IKZF2: variants seen among roughly 807,000 people sequenced by gnomAD.
IKZF2 encodes zinc finger protein Helios.
Under a neutral mutation model 49.2 loss-of-function variants are expected in IKZF2, and 15 were observed. The observed-to-expected ratio is 0.30, with a 90% CI of 0.20 to 0.47. IKZF2 has a LOEUF of 0.47. Among genes scored for constraint, IKZF2 ranks in the 20% least tolerant of loss-of-function variants. The pLI, the probability that IKZF2 is intolerant of heterozygous loss-of-function variation, is 1.00. For synonymous variants in IKZF2, 227 were observed against 221.4 expected (o/e 1.03, Z -0.23); for missense variants, 567 against 664.6 (o/e 0.85, Z 1.61).
chr2:213,145,616 C>T (rs748604428), intron 4 of IKZF2, among the ~76,000 whole-genome samples: 31 of 151,978 alleles, frequency 2.0e-4, no homozygotes, highest in Admixed American at 4.6e-4. Context: ...ATCTAAAATG[C>T]TGATATTCTC....
chr2:213,053,813 C>A (rs545778033), intron 5 of IKZF2, among the ~76,000 whole-genome samples: 1 of 152,204 alleles, frequency 6.6e-6, no homozygotes, highest in Admixed American at 6.5e-5. Flanking sequence ...AGTAGCAATA[C>A]CAAATCAATA....
intron 4 of IKZF2, among the ~76,000 whole-genome samples, chr2:213,060,819 T>A (rs1456128193): frequency 2.0e-5 from 3 of 151,486 alleles, no homozygotes; most frequent in Non-Finnish European, 4.4e-5. Context: ...TATTTATAAC[T>A]GTTACATCCA....
intron 4 of IKZF2, among the ~76,000 whole-genome samples, chr2:213,137,542 G>A (rs900528595): frequency 3.3e-5 from 5 of 151,856 alleles, no homozygotes; most frequent in Admixed American, 6.6e-5. Flanking sequence ...TTACAATCAC[G>A]AATTAAATAT....
At chr2:213,150,105 G>A (rs955568022) in intron 2 of IKZF2, 39 bp downstream of exon 2, 5 of 1,188,058 alleles carry the variant, frequency 4.2e-6, no homozygotes, top group Non-Finnish European at 5.7e-6. Context: ...AGGAAAGAAG[G>A]AAAAAGAAAA....
chr2:213,000,341 G>T lies in IKZF2; in HGVS notation c.*7019C>A, dbSNP rs1694780531. Reference sequence around the variant, plus strand: ...GAAAAAAAATGAGGTTTACTGGTTTGACCTATTTTTTTTTCTTTTTTTGCT... The same window carrying T: ...GAAAAAAAATGAGGTTTACTGGTTTTACCTATTTTTTTTTCTTTTTTTGCT... On this transcript the variant is annotated 3_prime_UTR_variant, in exon 9 of 9. Transcript: ENST00000434687. 6.8e-6 allele frequency: 1 copy of T among 147,304 alleles called. No individual in the cohort carries two copies. The highest frequency in any genetic ancestry group is 2.1e-4 in the South Asian group (1 of 4,700). 9.1% of individuals were successfully genotyped at this position (147,304 alleles called of 1,614,324 possible). A position where few individuals can be genotyped will look rare whatever the true frequency, so the allele number is the denominator to read the frequency against.
intron 4 of IKZF2, among the ~76,000 whole-genome samples, chr2:213,145,741 G>A (rs1042976385): frequency 6.6e-6 from 1 of 152,058 alleles, no homozygotes; most frequent in Admixed American, 6.6e-5. Flanking sequence ...TCTGAAGTGA[G>A]AGCCAAAATA....
intron 4 of IKZF2, among the ~76,000 whole-genome samples, chr2:213,093,168 C>T (rs1705552233): frequency 1.3e-5 from 2 of 152,130 alleles, no homozygotes. Flanking sequence ...TCAAATTCTA[C>T]CAAGTCAGTG....
chr2:213,149,669 C>T (rs1322672837), intron 2 of IKZF2, among the ~76,000 whole-genome samples: 1 of 152,046 alleles, frequency 6.6e-6, no homozygotes. Flanking sequence ...TTAGCCCTGG[C>T]TCCTGGAATT....
chr2:213,063,638 C>T (rs991569860), intron 4 of IKZF2, among the ~76,000 whole-genome samples: 1 of 151,870 alleles, frequency 6.6e-6, no homozygotes, highest in African/African-American at 2.4e-5. Context: ...TTTTGATACT[C>T]AGAATGACTG....
rs1423714590 is a variant in IKZF2, at chr2:213,002,254, T to G, written c.*5106A>C. The G allele has an allele frequency of 6.6e-6, 1 of 151,502 alleles. No homozygotes were observed. The highest frequency in any genetic ancestry group is 1.5e-5 in the Non-Finnish European group (1 of 67,578). The allele number at this position is 151,502 out of a possible 1,614,324, so 9.4% of individuals were successfully genotyped here. ...AAAGGTTAATACACAACACATATTT[T>G]ATACAGAAAATATACAAATGCAGTG... On this transcript the variant is annotated 3_prime_UTR_variant, in exon 9 of 9. Transcript: ENST00000434687.
intron 4 of IKZF2, among the ~76,000 whole-genome samples, chr2:213,112,677 G>A (rs891761353): frequency 2.0e-5 from 3 of 151,944 alleles, no homozygotes; most frequent in Admixed American, 2.0e-4. Flanking sequence ...TTACTAAAGT[G>A]TTGGTTTCTA....
At chr2:213,107,152 T>C (rs2059560902) in intron 4 of IKZF2, among the ~76,000 whole-genome samples, 1 of 152,112 alleles carries the variant, frequency 6.6e-6, no homozygotes, top group Non-Finnish European at 1.5e-5. Flanking sequence ...TAGGGTTCCC[T>C]CAGACACACA....
chr2:213,152,084 G>T (rs1246488875), upstream of IKZF2: 1 of 152,144 alleles, frequency 6.6e-6, no homozygotes, highest in Non-Finnish European at 1.5e-5. Flanking sequence ...AGTGTGCCAC[G>T]GCGACCCCCA....
At chr2:213,103,968 G>T (rs2059436351) in intron 4 of IKZF2, among the ~76,000 whole-genome samples, 1 of 151,996 alleles carries the variant, frequency 6.6e-6, no homozygotes, top group African/African-American at 2.4e-5. Flanking sequence ...CAATTAAAAA[G>T]ATTTTTAGTA....
chr2:213,106,343 C>T (rs180772277), intron 4 of IKZF2, among the ~76,000 whole-genome samples: 63 of 149,566 alleles, frequency 4.2e-4, no homozygotes, highest in Admixed American at 1.8e-3. Flanking sequence ...ACTACTCTTA[C>T]GAAAAAAAAA....
At chr2:213,131,255 G>T (rs998883799) in intron 4 of IKZF2, among the ~76,000 whole-genome samples, 11 of 152,138 alleles carry the variant, frequency 7.2e-5, no homozygotes, top group African/African-American at 2.7e-4. Flanking sequence ...TGTCTTAACA[G>T]TTTTAAGGGA....
At chr2:213,059,476 G>A (rs867798034) in intron 4 of IKZF2, among the ~76,000 whole-genome samples, 1 of 151,460 alleles carries the variant, frequency 6.6e-6, no homozygotes, top group African/African-American at 2.4e-5. Context: ...AAATCAATGC[G>A]AAATGCTATT....
chr2:213,129,472 C>T (rs1023177527), intron 4 of IKZF2, among the ~76,000 whole-genome samples: 2 of 151,056 alleles, frequency 1.3e-5, no homozygotes, highest in African/African-American at 4.9e-5. Context: ...ACGAACTTGC[C>T]ATGTCCCGGA....
At chr2:213,023,412 A>C (rs1467912713) in intron 6 of IKZF2, among the ~76,000 whole-genome samples, 1 of 152,222 alleles carries the variant, frequency 6.6e-6, no homozygotes, top group Non-Finnish European at 1.5e-5. Flanking sequence ...ATTGTTTGTA[A>C]ACTATCATAA....
Sources: allele counts gnomAD v4.1 joint callset (sites outside exome capture counted in the v4.1 genomes callset), GRCh38; gene constraint gnomAD v4.1.1; transcripts MANE v1.5; gene names NCBI Gene and HGNC (gene_info 2026-07-23, HGNC 2026-07-21).